KDM5A: variants seen among roughly 807,000 people sequenced by gnomAD.
KDM5A encodes lysine demethylase 5A.
Under a neutral mutation model 193.5 loss-of-function variants are expected in KDM5A, and 42 were observed. The observed-to-expected ratio is 0.22, with a 90% CI of 0.17 to 0.28. The LOEUF (loss-of-function observed/expected upper bound fraction) is 0.28, where lower values mean the gene tolerates loss of function less well. Ranked by LOEUF, KDM5A falls within the 10% of genes least tolerant of loss-of-function variation. The pLI, the probability that KDM5A is intolerant of heterozygous loss-of-function variation, is 1.00. For missense variants in KDM5A, 1,692 were observed against 2,055.1 expected, an observed-to-expected ratio of 0.82 and a Z score of 3.42; for synonymous variants, 796 against 718.1, an observed-to-expected ratio of 1.11 and a Z score of -1.73.
chr12:361,827 T>C (rs1016321083), intron 5 of KDM5A, among the ~76,000 whole-genome samples: 2 of 152,222 alleles, frequency 1.3e-5, no homozygotes, highest in African/African-American at 4.8e-5. Flanking sequence ...CTATCCAGGA[T>C]ACCTACCTTT....
intron 26 of KDM5A, among the ~76,000 whole-genome samples, chr12:293,918 T>C (rs1467374190): frequency 6.6e-6 from 1 of 151,726 alleles, no homozygotes; most frequent in African/African-American, 2.4e-5. Flanking sequence ...TATACTAGCT[T>C]ACTAGGAGAA....
chr12:317,637 C>T (rs1235650474), intron 19 of KDM5A, among the ~76,000 whole-genome samples: 3 of 152,252 alleles, frequency 2.0e-5, no homozygotes, highest in Non-Finnish European at 2.9e-5. Context: ...AGGCACAAAA[C>T]ATTTAATTAA....
intron 1 of KDM5A, among the ~76,000 whole-genome samples, 188 bp from the exon 2 acceptor site, chr12:386,162 C>T (rs1293714763): frequency 6.6e-6 from 1 of 152,086 alleles, no homozygotes; most frequent in African/African-American, 2.4e-5. Context: ...TTGAGTATCC[C>T]TCATCTGAAA....
At chr12:350,427 CAAAAAA>C (rs10616968) in intron 10 of KDM5A, among the ~76,000 whole-genome samples, 188 bp downstream of exon 10, 1 of 101,188 alleles carries the variant, frequency 9.9e-6, no homozygotes, top group Non-Finnish European at 2.2e-5. Context: ...GATTCCTTCT[CAAAAAA>C]AAAAAAAAAA....
chr12:367,070 A>G (rs530701575), intron 3 of KDM5A, among the ~76,000 whole-genome samples: 13 of 152,328 alleles, frequency 8.5e-5, no homozygotes, highest in African/African-American at 2.2e-4. Flanking sequence ...CTGGGTTTGT[A>G]TAAGTACATT....
chr12:384,430 A>C (rs1944615252), intron 2 of KDM5A, among the ~76,000 whole-genome samples: 1 of 152,176 alleles, frequency 6.6e-6, no homozygotes, highest in Non-Finnish European at 1.5e-5. Context: ...GTTTCATCCC[A>C]AAACCATCCT....
Position 282,971 on chromosome 12 carries a change from T to C in KDM5A, c.*2485A>G, listed in dbSNP as rs1019082945. On this transcript the variant is annotated 3_prime_UTR_variant, in exon 28 of 28. Coordinates refer to ENST00000399788, the MANE Select transcript of KDM5A (RefSeq NM_001042603.3). ...TTGGTCTAAACCTGTGGTCAAGTCA[T>C]ACCAAATCCTCCATGACTGTCAAGT... The C allele has an allele frequency of 4.3e-6, 1 of 231,712 alleles. No individual in the cohort carries two copies. Among genetic ancestry groups the C allele is most frequent in the African/African-American group, 2.2e-5 (1 of 45,280 alleles). 14.4% of individuals were successfully genotyped at this position (231,712 alleles called of 1,614,324 possible).
intron 17 of KDM5A, among the ~76,000 whole-genome samples, chr12:322,039 A>G (rs997919302): frequency 1.3e-5 from 2 of 152,184 alleles, no homozygotes; most frequent in Non-Finnish European, 2.9e-5. Context: ...AGAGGACTGC[A>G]ATTTTATAAA....
intron 18 of KDM5A, among the ~76,000 whole-genome samples, chr12:319,051 A>G (rs1186663797): frequency 1.3e-5 from 2 of 152,236 alleles, no homozygotes; most frequent in East Asian, 1.9e-4. Flanking sequence ...GTGTGTTGCT[A>G]CAAGTGGATG....
chr12:289,146 G>A (rs1943256665), intron 27 of KDM5A, among the ~76,000 whole-genome samples: 1 of 151,976 alleles, frequency 6.6e-6, no homozygotes, highest in Admixed American at 6.6e-5. Flanking sequence ...ATGGGTAAAG[G>A]AAAAGGCCAA....
intron 6 of KDM5A, among the ~76,000 whole-genome samples, chr12:355,468 T>C (rs942130208): frequency 6.6e-6 from 1 of 152,228 alleles, no homozygotes; most frequent in East Asian, 1.9e-4. Flanking sequence ...TTTAAGATTC[T>C]AATCCAGTCA....
chr12:353,482 T>G (rs118172254), intron 8 of KDM5A, among the ~76,000 whole-genome samples: 1 of 152,356 alleles, frequency 6.6e-6, no homozygotes, highest in Non-Finnish European at 1.5e-5. Flanking sequence ...TCATTTTTAT[T>G]GTTGCCCAGC....
chr12:337,502 C>T (rs555291713), intron 10 of KDM5A, among the ~76,000 whole-genome samples: 8 of 152,068 alleles, frequency 5.3e-5, no homozygotes, highest in African/African-American at 1.9e-4. Context: ...CGCAAAAACA[C>T]AGGAAATAAC....
intron 19 of KDM5A, among the ~76,000 whole-genome samples, chr12:314,151 G>C (rs1274159014): frequency 6.6e-6 from 1 of 152,076 alleles, no homozygotes; most frequent in Non-Finnish European, 1.5e-5. Flanking sequence ...CACTGTTCTA[G>C]GTCCTGGAAA....
At chr12:313,958 G>A (rs1015506698) in intron 19 of KDM5A, among the ~76,000 whole-genome samples, 8 of 152,162 alleles carry the variant, frequency 5.3e-5, no homozygotes, top group East Asian at 1.9e-4. Context: ...TTCAGTTTGC[G>A]ATTAGGGGGT....
Position 389,069 on chromosome 12 carries a change from C to G in KDM5A, c.23G>C (p.Gly8Ala), listed in dbSNP as rs200083382. 5.0e-6 allele frequency: 8 copies of G among 1,609,826 alleles called. No individual in the cohort carries two copies. The highest frequency in any genetic ancestry group is 1.7e-5 in the Admixed American group (1 of 59,662). MAGVGPGGYAAEFVPPPE... is the reference protein window; with the variant it reads MAGVGPGAYAAEFVPPPE... ...CGGTGGCACGAACTCCGCCGCGTAG[C>G]CCCCCGGCCCCACGCCCGCCATTGC... is the stretch of plus-strand genomic sequence containing the variant. The change falls in exon 1 of 28, where the codon GGC (glycine) becomes GCC (alanine). Residue 8 changes from glycine to alanine, a missense_variant. By Grantham distance (60) the Gly-to-Ala change is moderately conservative. This residue lies in a region of KDM5A where 84 missense variants were observed against 68.2 expected (regional missense o/e 1.23). Coordinates refer to ENST00000399788, the MANE Select transcript of KDM5A (RefSeq NM_001042603.3).
chr12:290,022 G>A (rs953657719), intron 27 of KDM5A, among the ~76,000 whole-genome samples: 3 of 149,472 alleles, frequency 2.0e-5, no homozygotes, highest in African/African-American at 7.4e-5. Flanking sequence ...TGCGATCATA[G>A]CACATTAACT....
intron 19 of KDM5A, among the ~76,000 whole-genome samples, chr12:316,579 A>T (rs1379419553): frequency 2.7e-5 from 4 of 150,498 alleles, no homozygotes; most frequent in Non-Finnish European, 5.9e-5. Flanking sequence ...TATTACCACG[A>T]AATTTCATTT....
intron 10 of KDM5A, among the ~76,000 whole-genome samples, chr12:342,774 T>TAAA (rs78058969): frequency 3.2e-5 from 4 of 126,814 alleles, no homozygotes; most frequent in East Asian, 2.3e-4. Context: ...AAATGTGATT[T>TAAA]AAAAAAAAAA....
Sources: allele counts gnomAD v4.1 joint callset (sites outside exome capture counted in the v4.1 genomes callset), GRCh38; gene constraint gnomAD v4.1.1; regional missense constraint gnomAD v4.1.1; transcripts MANE v1.5; gene names NCBI Gene and HGNC (gene_info 2026-07-23, HGNC 2026-07-21).